The following ANK1 variants were observed in gnomAD, a reference collection of about 807,000 sequenced individuals.
The protein encoded by ANK1 is ankyrin 1.
A neutral mutation model predicts 210.4 loss-of-function variants in ANK1; 51 were observed. The ratio of observed to expected loss-of-function variants is 0.24; its 90% CI spans 0.19 to 0.31. The LOEUF is 0.31. Ranked by LOEUF, ANK1 falls within the 10% of genes least tolerant of loss-of-function variation. The pLI is 1.00. For missense variants in ANK1, 2,051 were observed against 2,504.4 expected (o/e 0.82, Z 3.86); for synonymous variants, 967 against 1,025.9 (o/e 0.94, Z 1.10).
At chr8:41,660,622 G>A (rs1041557249) in intron 42 of ANK1, 43 of 439,328 alleles carry the variant, frequency 9.8e-5, no homozygotes, top group African/African-American at 1.5e-4. Context: ...GGCACGGCAC[G>A]GCATGCCCCT....
At chr8:41,834,589 G>GCTGGAC (rs2150799964) in intron 1 of ANK1, among the ~76,000 whole-genome samples, 1 of 152,354 alleles carries the variant, frequency 6.6e-6, no homozygotes, top group South Asian at 2.1e-4. Flanking sequence ...CACAGGTGCG[G>GCTGGAC]CTGGACCTGG....
chr8:41,750,911 G>T (rs1366490147), intron 2 of ANK1, among the ~76,000 whole-genome samples: 1 of 152,086 alleles, frequency 6.6e-6, no homozygotes, highest in Non-Finnish European at 1.5e-5. Flanking sequence ...TATCAGGAAG[G>T]CCAAATGAAC....
chr8:41,775,757 C>T (rs141547105), intron 1 of ANK1, among the ~76,000 whole-genome samples: 87 of 152,158 alleles, frequency 5.7e-4, no homozygotes, highest in Middle Eastern at 3.4e-3. Context: ...CATGGTGGTG[C>T]GCACCTGTAG....
intron 1 of ANK1, among the ~76,000 whole-genome samples, chr8:41,785,873 A>C (rs1283371947): frequency 6.6e-6 from 1 of 152,128 alleles, no homozygotes; most frequent in Non-Finnish European, 1.5e-5. Context: ...TTCTGGGTCC[A>C]CTTGGTAGCC....
At chr8:41,786,276 G>C (rs1247282460) in intron 1 of ANK1, among the ~76,000 whole-genome samples, 1 of 152,200 alleles carries the variant, frequency 6.6e-6, no homozygotes, top group African/African-American at 2.4e-5. Flanking sequence ...GTCAGGGCTG[G>C]AGGGGCGTCT....
intron 2 of ANK1, among the ~76,000 whole-genome samples, chr8:41,757,264 A>G (rs144469493): frequency 1.8e-4 from 28 of 152,368 alleles, no homozygotes; most frequent in Non-Finnish European, 4.0e-4. Flanking sequence ...CGCAATGGAT[A>G]ACTGTATTCT....
intron 39 of ANK1, among the ~76,000 whole-genome samples, chr8:41,667,424 A>G (rs2150555125): frequency 6.6e-6 from 1 of 152,330 alleles, no homozygotes; most frequent in South Asian, 2.1e-4. Flanking sequence ...GCATGTGGAG[A>G]ACAGTGGTGC....
At chr8:41,884,375 G>T (rs1818092461) in intron 1 of ANK1, among the ~76,000 whole-genome samples, 1 of 151,732 alleles carries the variant, frequency 6.6e-6, no homozygotes, top group Non-Finnish European at 1.5e-5. Flanking sequence ...AATAATAAAG[G>T]CACCACTGCA....
intron 9 of ANK1, among the ~76,000 whole-genome samples, 183 bp downstream of exon 9, chr8:41,722,942 C>G (rs149891550): frequency 4.1e-4 from 63 of 152,310 alleles, no homozygotes; most frequent in African/African-American, 1.4e-3. Flanking sequence ...CGACCCTGAT[C>G]TAGTTAGGCA....
intron 1 of ANK1, among the ~76,000 whole-genome samples, chr8:41,882,513 T>C (rs1017157390): frequency 7.2e-5 from 11 of 152,080 alleles, no homozygotes; most frequent in Admixed American, 7.2e-4. Context: ...CCCAGGGTGT[T>C]GGAGATGGGC....
At position 41,672,610 on chromosome 8, in the gene ANK1, C is replaced by T. The variant is rs1179459853; in HGVS notation, c.4840G>A (p.Glu1614Lys). ...GALSEEPRGP[E>K]LGSLELVEDD... ...TCCACAAGTTCCAGAGAGCCCAACTCGGGGCCCCGCGGTTCCTCTGAGAGT... is the reference window on the plus strand; with the variant it reads ...TCCACAAGTTCCAGAGAGCCCAACTTGGGGCCCCGCGGTTCCTCTGAGAGT... The change falls in exon 38 of 43, where the codon GAG becomes AAG. Residue 1614 changes from glutamate (E) to lysine (K), a missense_variant. Physicochemically the swap from Glu to Lys is moderately conservative, Grantham distance 56. Around this residue, in one of 6 missense-constraint regions of ANK1, gnomAD observed 496 missense variants for 533.4 expected, o/e 0.93. Transcript: ENST00000289734. The T allele has an allele frequency of 8.1e-6, 13 of 1,614,108 alleles. No individual in the cohort carries two copies. The highest frequency in any genetic ancestry group is 2.2e-5 in the East Asian group (1 of 44,898).
chr8:41,867,863 T>G (rs932888434), intron 1 of ANK1, among the ~76,000 whole-genome samples: 9 of 151,908 alleles, frequency 5.9e-5, no homozygotes, highest in Non-Finnish European at 1.2e-4. Context: ...AAGCAGGTGT[T>G]TGTTTGTTTG....
intron 1 of ANK1, among the ~76,000 whole-genome samples, chr8:41,805,118 CTCTT>C (rs1444595448): frequency 2.7e-5 from 4 of 148,180 alleles, no homozygotes; most frequent in Non-Finnish European, 5.9e-5. Context: ...TCTCATAGAG[CTCTT>C]TCTCTCTTTC....
At chr8:41,675,653 GAC>G (rs1383467591) in intron 37 of ANK1, among the ~76,000 whole-genome samples, 2 of 152,046 alleles carry the variant, frequency 1.3e-5, no homozygotes, top group Non-Finnish European at 2.9e-5. Context: ...GATACGTTGT[GAC>G]ACATGTGTAC....
chr8:41,669,675 C>T (rs999422840), intron 38 of ANK1, among the ~76,000 whole-genome samples: 1 of 152,190 alleles, frequency 6.6e-6, no homozygotes, highest in Non-Finnish European at 1.5e-5. Context: ...TCCTCTCTTA[C>T]CCCACATTGT....
rs1464784020 is a variant in ANK1 at position 41,693,915 on chromosome 8, A to C, written c.3515T>G (p.Leu1172Arg). 1 of 1,611,080 alleles carries C rather than the reference A, an allele frequency of 6.2e-7. No homozygotes were observed. The highest frequency in any genetic ancestry group is 1.1e-5 in the South Asian group (1 of 90,576). Residue 1172 changes from leucine (L) to arginine (R), a missense_variant, in exon 29 of 43, where the codon CTG becomes CGG. By Grantham distance (102) the Leu-to-Arg change is moderately radical (BLOSUM62 -2). Transcript: ENST00000289734. ...SGEGDTTSLR[L>R]LCSVIGGTDQ... is the part of the protein sequence containing the mutation. ...CCTCTCACCAATGACGCTGCAAAGC[A>C]GGCGCAGGCTGGTGGTGTCTCCCTC...
intron 1 of ANK1, among the ~76,000 whole-genome samples, chr8:41,884,998 C>T (rs1321206777): frequency 2.0e-5 from 3 of 151,826 alleles, no homozygotes; most frequent in African/African-American, 4.8e-5. Context: ...TGACTTCATC[C>T]TCAAGGCAGG....
intron 2 of ANK1, among the ~76,000 whole-genome samples, chr8:41,747,571 C>T (rs1393140648): frequency 6.6e-6 from 1 of 152,152 alleles, no homozygotes; most frequent in Non-Finnish European, 1.5e-5. Flanking sequence ...TAATCAGGTC[C>T]TAGCATGGAG....
chr8:41,708,053 G>A (rs924323816), intron 17 of ANK1, among the ~76,000 whole-genome samples: 1 of 152,156 alleles, frequency 6.6e-6, no homozygotes, highest in Non-Finnish European at 1.5e-5. Context: ...ACGGGTACGA[G>A]GTTTCCTTTC....
Sources: allele counts gnomAD v4.1 joint callset (sites outside exome capture counted in the v4.1 genomes callset), GRCh38; gene constraint gnomAD v4.1.1; regional missense constraint gnomAD v4.1.1; transcripts MANE v1.5; gene names NCBI Gene and HGNC (gene_info 2026-07-23, HGNC 2026-07-21).